PHF24: variants seen among roughly 807,000 people sequenced by gnomAD.
PHF24 encodes PHD finger protein 24, also known as Galpha inhibitory interacting protein.
In PHF24, 25 loss-of-function variants were observed where a neutral mutation model predicts 42.6. The observed-to-expected ratio is 0.59, with a 90% confidence interval of 0.43 to 0.82. The LOEUF (loss-of-function observed/expected upper bound fraction) is 0.82, where lower values mean the gene tolerates loss of function less well. Ranked by LOEUF, PHF24 falls within the 40% of genes least tolerant of loss-of-function variation. PHF24 has a pLI of 0.00. For missense variants in PHF24, 470 were observed against 538.1 expected, an observed-to-expected ratio of 0.87 and a Z score of 1.25; for synonymous variants, 185 against 204.8, an observed-to-expected ratio of 0.90 and a Z score of 0.83.
the PHF24 span, chr9:34,725,889 A>T: frequency 3.2e-6 from 5 of 1,552,010 alleles, no homozygotes. Flanking sequence ...AGGCCTTGAG[A>T]TCCCATGAAA....
intron 1 of PHF24, among the ~76,000 whole-genome samples, chr9:34,959,304 G>T (rs1284656459): frequency 6.6e-6 from 1 of 152,176 alleles, no homozygotes; most frequent in Non-Finnish European, 1.5e-5. Context: ...GGATTGTTGA[G>T]CACCAGTACG....
chr9:34,827,793 C>T, the PHF24 span, among the ~76,000 whole-genome samples: 16 of 152,082 alleles, frequency 1.1e-4, no homozygotes, highest in Non-Finnish European at 2.4e-4. Context: ...TTCCTGCTTC[C>T]CTGTCCTCTC....
the PHF24 span, among the ~76,000 whole-genome samples, chr9:34,873,969 T>C: frequency 1.3e-5 from 2 of 152,212 alleles, no homozygotes; most frequent in Non-Finnish European, 2.9e-5. Context: ...CAATTGTGAA[T>C]GGAAGTTCAC....
At chr9:34,768,770 G>A in the PHF24 span, among the ~76,000 whole-genome samples, 1 of 152,052 alleles carries the variant, frequency 6.6e-6, no homozygotes, top group Non-Finnish European at 1.5e-5. Flanking sequence ...TGGAAAACAG[G>A]AAGAAATTGA....
At chr9:34,756,408 T>G in the PHF24 span, among the ~76,000 whole-genome samples, 1 of 152,192 alleles carries the variant, frequency 6.6e-6, no homozygotes, top group Non-Finnish European at 1.5e-5. Flanking sequence ...CCGATTTTTT[T>G]GTATGGTGAG....
chr9:34,716,630 C>T, the PHF24 span, among the ~76,000 whole-genome samples: 7 of 151,760 alleles, frequency 4.6e-5, no homozygotes, highest in Non-Finnish European at 1.0e-4. Flanking sequence ...ACTCTTGTCA[C>T]CCAGGCTGGA....
the PHF24 span, among the ~76,000 whole-genome samples, chr9:34,687,076 G>T: frequency 1.3e-5 from 2 of 151,996 alleles, no homozygotes; most frequent in African/African-American, 4.8e-5. Flanking sequence ...GGAAAAAGAG[G>T]AAGGCAGAAA....
intron 1 of PHF24, 89 bp from the exon 2 acceptor site, chr9:34,971,206 T>G: frequency 7.0e-7 from 1 of 1,437,378 alleles, no homozygotes; most frequent in Non-Finnish European, 9.4e-7. Context: ...AGAAACTGTT[T>G]AATAGCCCTT....
At chr9:34,741,784 G>A in the PHF24 span, among the ~76,000 whole-genome samples, 18 of 152,056 alleles carry the variant, frequency 1.2e-4, no homozygotes, top group African/African-American at 3.1e-4. Context: ...GTCCCTTTTC[G>A]TTGACTGTCC....
chr9:34,765,228 G>A, the PHF24 span, among the ~76,000 whole-genome samples: 1 of 152,156 alleles, frequency 6.6e-6, no homozygotes, highest in South Asian at 2.1e-4. Flanking sequence ...GCTTGGTGCA[G>A]AGCTGAGTTC....
chr9:34,916,254 T>A, the PHF24 span, among the ~76,000 whole-genome samples: 3 of 152,212 alleles, frequency 2.0e-5, no homozygotes, highest in Non-Finnish European at 4.4e-5. Flanking sequence ...AGTGTCTATT[T>A]GAGAAACTTC....
At chr9:34,831,756 C>T in the PHF24 span, among the ~76,000 whole-genome samples, 1 of 152,310 alleles carries the variant, frequency 6.6e-6, no homozygotes, top group South Asian at 2.1e-4. Context: ...CCATTTTCTA[C>T]TGTCATCTCA....
At chr9:34,972,309 T>C (rs1276658431) in intron 2 of PHF24, 37 bp from the exon 3 acceptor site, 6 of 1,558,478 alleles carry the variant, frequency 3.8e-6, no homozygotes, top group Non-Finnish European at 5.2e-6. Flanking sequence ...CTGCCTACAT[T>C]TACACATCCC....
the PHF24 span, among the ~76,000 whole-genome samples, chr9:34,881,221 GA>G: frequency 6.6e-6 from 1 of 152,158 alleles, no homozygotes; most frequent in Non-Finnish European, 1.5e-5. Flanking sequence ...TGTTTAGAAG[GA>G]AATTTATAGC....
the PHF24 span, among the ~76,000 whole-genome samples, chr9:34,786,311 C>G: frequency 6.6e-6 from 1 of 152,154 alleles, no homozygotes; most frequent in Non-Finnish European, 1.5e-5. Flanking sequence ...GAAGAATTCT[C>G]TACTATAAAT....
the PHF24 span, among the ~76,000 whole-genome samples, chr9:34,765,980 GA>G: frequency 2.6e-5 from 4 of 151,858 alleles, no homozygotes; most frequent in Admixed American, 2.6e-4. Flanking sequence ...GGCTGGATAT[GA>G]AATTCTGGGT....
the PHF24 span, among the ~76,000 whole-genome samples, chr9:34,862,329 G>A: frequency 1.1e-4 from 16 of 152,134 alleles, no homozygotes; most frequent in Admixed American, 7.2e-4. Context: ...GGGCATCTAA[G>A]GGAGTGCTTG....
chr9:34,827,923 T>C, the PHF24 span, among the ~76,000 whole-genome samples: 12 of 152,106 alleles, frequency 7.9e-5, no homozygotes, highest in Non-Finnish European at 1.5e-4. Context: ...TTAGAGCTTT[T>C]TCTGTGATCT....
chr9:34,872,207 TA>T, the PHF24 span, among the ~76,000 whole-genome samples: 1 of 151,754 alleles, frequency 6.6e-6, no homozygotes, highest in East Asian at 1.9e-4. Flanking sequence ...TTTTATTTTT[TA>T]TTTTTTTATT....
Sources: allele counts gnomAD v4.1 joint callset (sites outside exome capture counted in the v4.1 genomes callset), GRCh38; gene constraint gnomAD v4.1.1; transcripts MANE v1.5; gene names NCBI Gene and HGNC (gene_info 2026-07-23, HGNC 2026-07-21).